PIKFYVE: variants seen among roughly 807,000 people sequenced by gnomAD.
PIKFYVE encodes the protein phosphoinositide kinase, FYVE-type zinc finger containing.
In PIKFYVE, 122 loss-of-function variants were observed where a neutral mutation model predicts 257.9. The ratio of observed to expected loss-of-function variants is 0.47; its 90% CI spans 0.41 to 0.55. PIKFYVE has a LOEUF of 0.55. Among genes scored for constraint, PIKFYVE ranks in the 20% least tolerant of loss-of-function variants. PIKFYVE has a pLI of 0.00. For missense variants in PIKFYVE, 2,160 were observed against 2,536.6 expected (o/e 0.85, Z 3.19); for synonymous variants, 892 against 868.9 (o/e 1.03, Z -0.47).
intron 20 of PIKFYVE, among the ~76,000 whole-genome samples, chr2:208,327,882 T>C (rs1185299091): frequency 2.0e-5 from 3 of 152,208 alleles, no homozygotes; most frequent in African/African-American, 7.2e-5. Flanking sequence ...TATGGGTATA[T>C]TTAATTAATT....
chr2:208,312,383 AAGGTG>A, intron 13 of PIKFYVE, 88 bp downstream of exon 13: 1 of 994,402 alleles, frequency 1.0e-6, no homozygotes, highest in Admixed American at 2.0e-5. Context: ...TAGCACAGAG[AAGGTG>A]CTGAAAATAT....
intron 34 of PIKFYVE, among the ~76,000 whole-genome samples, chr2:208,346,914 T>TG (rs1253221648): frequency 1.3e-5 from 2 of 152,240 alleles, no homozygotes; most frequent in African/African-American, 4.8e-5. Flanking sequence ...AAGCTGCCGC[T>TG]GTTCTCTTTC....
chr2:208,285,592 A>C (rs2125146630), intron 5 of PIKFYVE, 134 bp from the exon 6 acceptor site: 1 of 730,594 alleles, frequency 1.4e-6, no homozygotes, highest in Non-Finnish European at 2.4e-6. Context: ...TTTTTTTGAG[A>C]GTCTGTACTT....
rs367690844 is a variant in PIKFYVE, at chr2:208,347,946, G to A, written c.5297G>A (p.Arg1766His). Residue 1766 changes from arginine (R) to histidine (H), a missense_variant, in exon 35 of 42, where the codon CGT (arginine) becomes CAT (histidine). Physicochemically the swap from Arg to His is conservative, Grantham distance 29. This residue lies in a region of PIKFYVE where 699 missense variants were observed against 855.8 expected (regional missense o/e 0.82). Coordinates refer to ENST00000264380, the MANE Select transcript of PIKFYVE (RefSeq NM_015040.4). ...DLSSQKRETL[R>H]GADSAYYQVG... Reference sequence around the variant, plus strand: ...TCTTCCCAGAAGAGAGAGACCTTACGTGGAGCAGATAGTGCTTACTACCAG... The same window carrying A: ...TCTTCCCAGAAGAGAGAGACCTTACATGGAGCAGATAGTGCTTACTACCAG... 9.2e-5 allele frequency: 149 copies of A among 1,613,906 alleles called. No homozygotes were observed. Among genetic ancestry groups the A allele is most frequent in the Non-Finnish European group, 1.2e-4 (136 of 1,179,892 alleles).
At chr2:208,301,663 A>G (rs1009402812) in intron 9 of PIKFYVE, among the ~76,000 whole-genome samples, 3 of 152,218 alleles carry the variant, frequency 2.0e-5, no homozygotes, top group Non-Finnish European at 4.4e-5. Context: ...TTGGCTGTAT[A>G]TATTTTTTAG....
chr2:208,338,105 C>T (rs1366811780), intron 28 of PIKFYVE, among the ~76,000 whole-genome samples: 1 of 152,040 alleles, frequency 6.6e-6, no homozygotes, highest in Non-Finnish European at 1.5e-5. Flanking sequence ...TGTATCTCAA[C>T]AGATTACATG....
At chr2:208,268,619 A>C (rs12694104) in intron 1 of PIKFYVE, among the ~76,000 whole-genome samples, 116,493 of 149,798 alleles carry the variant, frequency 0.78, 46,579 homozygotes, top group East Asian at 0.98. Context: ...CTTTTTTTTG[A>C]GTGTATACTT....
chr2:208,280,162 G>A (rs1447511860), intron 5 of PIKFYVE, among the ~76,000 whole-genome samples: 4 of 152,050 alleles, frequency 2.6e-5, no homozygotes, highest in African/African-American at 9.7e-5. Context: ...TAATATGGTC[G>A]GTATGTTAGC....
chr2:208,273,843 G>A, intron 3 of PIKFYVE, 110 bp downstream of exon 3: 1 of 1,441,874 alleles, frequency 6.9e-7, no homozygotes. Flanking sequence ...ATTTGGAATA[G>A]TAAGATACTA....
At position 208,315,262 on chromosome 2, in the gene PIKFYVE, T is replaced by C; in HGVS notation, c.1896T>C (p.Ser632=). ...QLLHSDSLSS[S]WRDIIVSLVC... Reference sequence around the variant, plus strand: ...TCCATAGTGACTCACTGTCATCATCTTGGAGGGACATCATCGTGTCATTGG... The same window carrying C: ...TCCATAGTGACTCACTGTCATCATCCTGGAGGGACATCATCGTGTCATTGG... The change falls in exon 15 of 42, where the codon TCT becomes TCC. Residue 632 remains serine, a synonymous_variant. Coordinates refer to ENST00000264380, the MANE Select transcript of PIKFYVE (RefSeq NM_015040.4). 1 of 1,614,124 alleles carries C rather than the reference T, an allele frequency of 6.2e-7. No homozygotes were observed. The highest frequency in any genetic ancestry group is 8.5e-7 in the Non-Finnish European group (1 of 1,179,984).
At position 208,357,776 on chromosome 2, in the gene PIKFYVE, G is replaced by T. The variant is rs1700242477; in HGVS notation, c.*2471G>T. ...AATGACTGTTTCCCTTTCCTTCAAG[G>T]CCTAGAGTATATTCTGAAAATTTAG... On this transcript the variant is annotated 3_prime_UTR_variant, in exon 42 of 42. Coordinates refer to ENST00000264380, the MANE Select transcript of PIKFYVE (RefSeq NM_015040.4). 1 of 152,048 alleles carries T rather than the reference G, an allele frequency of 6.6e-6. No individual in the cohort carries two copies. Among genetic ancestry groups the T allele is most frequent in the Admixed American group, 6.6e-5 (1 of 15,256 alleles). 9.4% of individuals were successfully genotyped at this position (152,048 alleles called of 1,614,324 possible).
intron 41 of PIKFYVE, 86 bp from the exon 42 acceptor site, chr2:208,355,076 CTTCTGCATGTGTATCTTTATGGCAGTTT>C: frequency 1.2e-6 from 1 of 819,772 alleles, no homozygotes; most frequent in Non-Finnish European, 2.1e-6. Context: ...ACTCAGACTG[CTTCTGCATGTGTATCTTTATGGCAGTTT>C]ATATGAAAGA....
At chr2:208,306,506 C>A (rs77935286) in intron 12 of PIKFYVE, among the ~76,000 whole-genome samples, 2,824 of 152,232 alleles carry the variant, frequency 0.019, 96 homozygotes, top group African/African-American at 0.064. Flanking sequence ...ATGATTTCAT[C>A]TCTTGGAATG....
At chr2:208,330,443 A>G (rs1221550577) in intron 22 of PIKFYVE, 80 bp from the exon 23 acceptor site, 9 of 1,536,356 alleles carry the variant, frequency 5.9e-6, no homozygotes, top group African/African-American at 2.7e-5. Context: ...CAGATTGTTC[A>G]CTAGTCATGC....
At chr2:208,322,087 C>CT (rs2125544466) in intron 17 of PIKFYVE, among the ~76,000 whole-genome samples, 1 of 152,184 alleles carries the variant, frequency 6.6e-6, no homozygotes, top group Non-Finnish European at 1.5e-5. Flanking sequence ...CATAACCATA[C>CT]TAAAACAACT....
chr2:208,285,680 C>CT, intron 5 of PIKFYVE, 46 bp from the exon 6 acceptor site: 1 of 1,533,976 alleles, frequency 6.5e-7, no homozygotes, highest in Non-Finnish European at 9.0e-7. Flanking sequence ...TTACTGCTAT[C>CT]TTTTCCTTCA....
At position 208,325,715 on chromosome 2, in the gene PIKFYVE, T is replaced by A; in HGVS notation, c.2904T>A (p.Pro968=). The change falls in exon 20 of 42, where the codon CCT becomes CCA. Residue 968 remains proline (P), a synonymous_variant. Transcript: ENST00000264380. ...HSTTACPAGL[P]CAFFAPVPES... is the part of the protein sequence containing the mutation. Reference sequence around the variant, plus strand: ...CAACAGCTTGCCCGGCGGGTCTCCCTTGTGCTTTCTTTGCACCTGTACCGG... The same window carrying A: ...CAACAGCTTGCCCGGCGGGTCTCCCATGTGCTTTCTTTGCACCTGTACCGG... 1 of 1,613,544 alleles carries A rather than the reference T, an allele frequency of 6.2e-7. No individual in the cohort carries two copies. The highest frequency in any genetic ancestry group is 8.5e-7 in the Non-Finnish European group (1 of 1,179,574).
chr2:208,269,149 A>G (rs1689079903), intron 1 of PIKFYVE, among the ~76,000 whole-genome samples: 1 of 152,138 alleles, frequency 6.6e-6, no homozygotes, highest in Non-Finnish European at 1.5e-5. Context: ...TGAATGTGAA[A>G]AGCATTTTAC....
Position 208,335,307 on chromosome 2 carries a change from T to C in PIKFYVE, c.4144T>C (p.Tyr1382His), listed in dbSNP as rs768684136. 1 of 1,585,456 alleles carries C rather than the reference T, an allele frequency of 6.3e-7. No homozygotes were observed. Among genetic ancestry groups the C allele is most frequent in the Non-Finnish European group, 8.7e-7 (1 of 1,154,060 alleles). The change falls in exon 25 of 42, where the codon TAT becomes CAT. Residue 1382 changes from tyrosine (Y) to histidine (H), a missense_variant and splice_region_variant. Coordinates refer to ENST00000264380, the MANE Select transcript of PIKFYVE (RefSeq NM_015040.4). ...SYNQMVASFS[Y>H]SPIRLLEVCV... ...TTGGTCCTTGTATTTTCTTCTCAGT[T>C]ATTCTCCCATTCGGCTTCTTGAAGT...
Sources: allele counts gnomAD v4.1 joint callset (sites outside exome capture counted in the v4.1 genomes callset), GRCh38; gene constraint gnomAD v4.1.1; regional missense constraint gnomAD v4.1.1; transcripts MANE v1.5; gene names NCBI Gene and HGNC (gene_info 2026-07-23, HGNC 2026-07-21).